Variants in PCLO observed in about 807,000 individuals in gnomAD.
PCLO encodes protein piccolo.
PCLO carries 82 observed loss-of-function variants against 427.5 expected under a neutral mutation model. That is an observed-to-expected ratio of 0.19 (90% CI 0.16 to 0.23). The LOEUF (loss-of-function observed/expected upper bound fraction) is 0.23, where lower values mean the gene tolerates loss of function less well. PCLO is among the 10% of genes least tolerant of loss of function. The pLI, the probability that PCLO is intolerant of heterozygous loss-of-function variation, is 1.00. For missense variants in PCLO, 6,239 were observed against 6,115.9 expected, an observed-to-expected ratio of 1.02 and a Z score of -0.67; for synonymous variants, 2,357 against 2,155.4, an observed-to-expected ratio of 1.09 and a Z score of -2.59.
chr7:82,880,287 C>T (rs529008990), intron 9 of PCLO: 5 of 269,698 alleles, frequency 1.9e-5, no homozygotes, highest in African/African-American at 8.9e-5. Context: ...TCATCACTGA[C>T]CAAAACATTA....
At chr7:83,023,289 T>C (rs1372624196) in intron 3 of PCLO, among the ~76,000 whole-genome samples, 1 of 152,188 alleles carries the variant, frequency 6.6e-6, no homozygotes, top group Non-Finnish European at 1.5e-5. Flanking sequence ...TGACTATTCT[T>C]AAAAGTCAAA....
chr7:83,039,996 G>T (rs1332925466), intron 3 of PCLO, among the ~76,000 whole-genome samples: 1 of 152,082 alleles, frequency 6.6e-6, no homozygotes, highest in Non-Finnish European at 1.5e-5. Context: ...AAATTAAACA[G>T]ATTTCAAAAA....
chr7:82,904,860 A>G (rs1794146202), intron 8 of PCLO, among the ~76,000 whole-genome samples: 1 of 152,044 alleles, frequency 6.6e-6, no homozygotes, highest in African/African-American at 2.4e-5. Flanking sequence ...AGTTTCAGAG[A>G]CTGTCTACCC....
chr7:83,049,627 C>A (rs116064543), intron 3 of PCLO, among the ~76,000 whole-genome samples: 47 of 152,194 alleles, frequency 3.1e-4, no homozygotes, highest in African/African-American at 1.1e-3. Flanking sequence ...TTGGTCAGGT[C>A]ACAATGCTCC....
intron 3 of PCLO, among the ~76,000 whole-genome samples, chr7:83,022,306 AC>A (rs1788365397): frequency 6.6e-6 from 1 of 152,192 alleles, no homozygotes; most frequent in African/African-American, 2.4e-5. Context: ...TTTATAAATT[AC>A]CCAGTCTAAG....
rs866817112 is a variant in PCLO at position 82,953,059 on chromosome 7, G to C, written c.7894C>G (p.Pro2632Ala). The change falls in exon 5 of 25, where the codon CCA (proline) becomes GCA (alanine). Residue 2632 changes from proline to alanine, a missense_variant. Physicochemically the swap from Pro to Ala is conservative, Grantham distance 27. Coordinates refer to ENST00000333891, the MANE Select transcript of PCLO (RefSeq NM_033026.6). Reference sequence around the variant, plus strand: ...TAGAAGGTCTGTTCTGAAGAAATTGGAATTTCTACAGCTGTCACAGGAGGA... The same window carrying C: ...TAGAAGGTCTGTTCTGAAGAAATTGCAATTTCTACAGCTGTCACAGGAGGA... ...VVPPVTAVEI[P>A]ISSEQTFYIS... 6.2e-7 allele frequency: 1 copy of C among 1,613,874 alleles called. No individual in the cohort carries two copies.
intron 8 of PCLO, among the ~76,000 whole-genome samples, chr7:82,906,128 T>C (rs927418924): frequency 2.6e-5 from 4 of 151,898 alleles, no homozygotes; most frequent in African/African-American, 9.7e-5. Flanking sequence ...GACTTTAAGA[T>C]TCGGTTTATT....
At chr7:82,852,608 T>C (rs542188140) in intron 10 of PCLO, among the ~76,000 whole-genome samples, 9 of 152,248 alleles carry the variant, frequency 5.9e-5, no homozygotes, top group Admixed American at 5.9e-4. Flanking sequence ...GTTTTGGGAT[T>C]CGGGCTGATC....
At chr7:82,805,861 T>C (rs1427803407) in intron 20 of PCLO, 32 bp from the exon 21 acceptor site, 1 of 1,574,364 alleles carries the variant, frequency 6.4e-7, no homozygotes, top group African/African-American at 1.4e-5. Context: ...AACACCACAG[T>C]CAATAAATGA....
In PCLO at chr7:83,096,664, A is replaced by T. The variant is rs540126699; in HGVS notation, c.3300+37586T>A. ...TGTCTTATAGTCTCTAATTTGTCTT[A>T]TTTTGTCAATATTTTTTAAACAAAT... On this transcript the variant is annotated intron_variant, in intron 3 of 24. Transcript: ENST00000333891. Among the ~76,000 whole-genome samples the T allele has an allele frequency of 5.0e-3, 643 of 127,566 alleles. 6 individuals carry two copies. The highest frequency in any genetic ancestry group is 0.018 in the African/African-American group (605 of 33,694). The allele number at this position is 127,566 out of a possible 152,430, so 83.7% of individuals were successfully genotyped here.
chr7:82,772,594 A>C (rs1790669779), intron 22 of PCLO, among the ~76,000 whole-genome samples: 1 of 152,140 alleles, frequency 6.6e-6, no homozygotes, highest in Non-Finnish European at 1.5e-5. Flanking sequence ...GCCTAATAAG[A>C]TTTAAAAGTT....
At chr7:82,796,711 A>G (rs1420365215) in intron 22 of PCLO, among the ~76,000 whole-genome samples, 1 of 150,526 alleles carries the variant, frequency 6.6e-6, no homozygotes, top group Admixed American at 6.7e-5. Flanking sequence ...TAAAATATAC[A>G]ATAGGTGTGG....
chr7:82,890,605 A>G (rs1319346699), intron 9 of PCLO, among the ~76,000 whole-genome samples: 3 of 151,958 alleles, frequency 2.0e-5, no homozygotes, highest in African/African-American at 7.2e-5. Context: ...TGTTTATAGT[A>G]TTTGTAATTA....
chr7:83,096,794 A>T lies in PCLO; in HGVS notation c.3300+37456T>A, dbSNP rs867752225. 4.6e-4 allele frequency among the ~76,000 whole-genome samples: 42 copies of T among 91,468 alleles called. 1 individual carries two copies. Among genetic ancestry groups the T allele is most frequent in the Non-Finnish European group, 5.8e-4 (28 of 48,680 alleles). The allele number at this position is 91,468 out of a possible 152,430, so 60.0% of individuals were successfully genotyped here. On this transcript the variant is annotated intron_variant, in intron 3 of 24. Transcript: ENST00000333891. ...ATATTATATAATATAAATATATATA[A>T]AAATATATTAATATTATATAATATA... is the stretch of plus-strand genomic sequence containing the variant.
At chr7:82,869,124 A>G (rs913898594) in intron 10 of PCLO, among the ~76,000 whole-genome samples, 5 of 152,148 alleles carry the variant, frequency 3.3e-5, no homozygotes, top group Non-Finnish European at 5.9e-5. Context: ...AGAACCAATG[A>G]TATGTATATA....
At position 82,949,901 on chromosome 7, in the gene PCLO, C is replaced by T. The variant is rs750419462; in HGVS notation, c.10687G>A (p.Gly3563Ser). ...GCTTCTGTTTGACATCCTAAACTGC[C>T]CCCTTTGTAAGTCTTTTCAGGTGCT... ...ISAPEKTYKG[G>S]SLGCQTEADS... is the part of the protein sequence containing the mutation. Residue 3563 changes from glycine to serine, a missense_variant, in exon 6 of 25, where the codon GGC becomes AGC. Transcript: ENST00000333891. 6 of 1,613,604 alleles carry T rather than the reference C, an allele frequency of 3.7e-6. No individual in the cohort carries two copies. Among genetic ancestry groups the T allele is most frequent in the Non-Finnish European group, 5.1e-6 (6 of 1,179,824 alleles).
chr7:82,838,773 G>C (rs889027447), intron 14 of PCLO, among the ~76,000 whole-genome samples: 7 of 151,798 alleles, frequency 4.6e-5, no homozygotes, highest in African/African-American at 1.7e-4. Context: ...TTAGCAGTGG[G>C]GTGGAACTGT....
chr7:82,844,776 T>C (rs1792456802), intron 13 of PCLO, among the ~76,000 whole-genome samples: 1 of 152,160 alleles, frequency 6.6e-6, no homozygotes, highest in African/African-American at 2.4e-5. Flanking sequence ...AATGAAGATT[T>C]GCATCAATAA....
chr7:82,841,269 C>A (rs1792358138), intron 14 of PCLO, among the ~76,000 whole-genome samples, 190 bp downstream of exon 14: 1 of 151,966 alleles, frequency 6.6e-6, no homozygotes, highest in African/African-American at 2.4e-5. Flanking sequence ...AAATACATAG[C>A]TATGATTGGA....
Sources: allele counts gnomAD v4.1 joint callset (sites outside exome capture counted in the v4.1 genomes callset), GRCh38; gene constraint gnomAD v4.1.1; transcripts MANE v1.5; gene names NCBI Gene and HGNC (gene_info 2026-07-23, HGNC 2026-07-21).